CD9: variants seen among roughly 807,000 people sequenced by gnomAD.
CD9 encodes the protein CD9 molecule.
A neutral mutation model predicts 31.4 loss-of-function variants in CD9; 10 were observed. That is an observed-to-expected ratio of 0.32 (90% CI 0.20 to 0.54). CD9 has a LOEUF of 0.54. CD9 is among the 20% of genes least tolerant of loss of function. CD9 has a pLI of 0.94. For synonymous variants in CD9, 113 were observed against 114.1 expected, an observed-to-expected ratio of 0.99 and a Z score of 0.06; for missense variants, 259 against 300.1, an observed-to-expected ratio of 0.86 and a Z score of 1.01.
At chr12:6,237,616 G>T in intron 7 of CD9, 147 bp from the exon 8 acceptor site, 1 of 556,362 alleles carries the variant, frequency 1.8e-6, no homozygotes. Context: ...CATCTCTCCT[G>T]CTTCAGCACC....
chr12:6,224,264 A>G (rs978228787), intron 1 of CD9, among the ~76,000 whole-genome samples: 1 of 152,198 alleles, frequency 6.6e-6, no homozygotes, highest in Non-Finnish European at 1.5e-5. Flanking sequence ...TGCTTTACAG[A>G]TGGGAACACT....
chr12:6,200,491 G>T lies in CD9; in HGVS notation c.-9G>T. ...CACCCGTTCGGCCCAGGCTAAGTTA[G>T]CCCTCACCATGCCGGTCAAAGGAGG... On this transcript the variant is annotated 5_prime_UTR_variant, in exon 1 of 8. Coordinates refer to ENST00000009180, the MANE Select transcript of CD9 (RefSeq NM_001769.4). 1.2e-6 allele frequency: 2 copies of T among 1,607,620 alleles called. No homozygotes were observed. The highest frequency in any genetic ancestry group is 1.1e-5 in the South Asian group (1 of 90,732).
chr12:6,237,886 GTTTGTTTGT>G lies in CD9; in HGVS notation c.*66_*74del. 1 of 1,316,032 alleles carries G rather than the reference GTTTGTTTGT, an allele frequency of 7.6e-7. No individual in the cohort carries two copies. The highest frequency in any genetic ancestry group is 1.1e-6 in the Non-Finnish European group (1 of 915,176). The allele number at this position is 1,316,032 out of a possible 1,614,324, so 81.5% of individuals were successfully genotyped here. On this transcript the variant is annotated 3_prime_UTR_variant, in exon 8 of 8. Coordinates refer to ENST00000009180, the MANE Select transcript of CD9 (RefSeq NM_001769.4). Reference sequence around the variant, plus strand: ...CCCATGAAGATTGGTGGGATTTTTTGTTTGTTTGTTTTGTTTTGTTTGTTGTTTGTTGTT... The same window carrying G: ...CCCATGAAGATTGGTGGGATTTTTTGTTTGTTTTGTTTGTTGTTTGTTGTT...
intron 2 of CD9, 68 bp downstream of exon 2, chr12:6,225,602 C>T: frequency 4.0e-6 from 4 of 1,001,062 alleles, no homozygotes; most frequent in Non-Finnish European, 6.3e-6. Context: ...ACTTTGGAGG[C>T]CCCATGTTGA....
Position 6,232,924 on chromosome 12 carries a change from T to C in CD9, c.273+195T>C, listed in dbSNP as rs1946468245. 1 of 702,876 alleles carries C rather than the reference T, an allele frequency of 1.4e-6. No homozygotes were observed. Among genetic ancestry groups the C allele is most frequent in the Non-Finnish European group, 2.6e-6 (1 of 385,102 alleles). The allele number at this position is 702,876 out of a possible 1,614,324, so 43.5% of individuals were successfully genotyped here. On this transcript the variant is annotated intron_variant, in intron 3 of 7. Transcript: ENST00000009180. This position sits in a 1 kb window ranked among gnomAD's most constrained non-coding sequence, Gnocchi z 4.8. The stretch of plus-strand genomic sequence containing the variant: ...CTCTTCCTTTCTGGAGCCTGTCTTA[T>C]CGCTTCCCCTAGGCAACTAAAAGGA...
intron 1 of CD9, among the ~76,000 whole-genome samples, chr12:6,214,344 C>CTTTTTTTTTTTTTTTTTTTTT (rs71450123): frequency 1.5e-5 from 1 of 67,074 alleles, no homozygotes; most frequent in Admixed American, 2.5e-4. Context: ...CCATTAGCCT[C>CTTTTTTTTTTTTTTTTTTTTT]TTTTTTTTTT....
At chr12:6,234,444 T>C (rs918281329) in intron 4 of CD9, 1 of 152,042 alleles carries the variant, frequency 6.6e-6, no homozygotes, top group East Asian at 1.9e-4. Context: ...ACTCACTACT[T>C]TTAGCCCAGC....
chr12:6,219,350 G>A (rs1483411983), intron 1 of CD9, among the ~76,000 whole-genome samples: 1 of 152,116 alleles, frequency 6.6e-6, no homozygotes. Flanking sequence ...TCTGTATAAG[G>A]ATTTGCCTGT....
chr12:6,204,338 C>G (rs1946107393), intron 1 of CD9, among the ~76,000 whole-genome samples: 1 of 152,128 alleles, frequency 6.6e-6, no homozygotes, highest in South Asian at 2.1e-4. Context: ...GCCCAGACTT[C>G]ACCATGTGTA....
Position 6,235,348 on chromosome 12 carries a change from C to T in CD9, c.447+21C>T, listed in dbSNP as rs1350937143. ...ATGCGGTATGTCGCCTTGGCAAAGA[C>T]ACCCTCCTGCGCTTTCTCCGGATTG... On this transcript the variant is annotated intron_variant, in intron 5 of 7. Coordinates refer to ENST00000009180, the MANE Select transcript of CD9 (RefSeq NM_001769.4). 4.3e-6 allele frequency: 7 copies of T among 1,614,084 alleles called. No homozygotes were observed. In the African/African-American group the frequency reaches 6.7e-5, roughly 15 times the overall value.
At chr12:6,222,601 T>C (rs1460248158) in intron 1 of CD9, among the ~76,000 whole-genome samples, 1 of 152,236 alleles carries the variant, frequency 6.6e-6, no homozygotes, top group Non-Finnish European at 1.5e-5. Flanking sequence ...CTGAGATGCT[T>C]CCTTTTCCCT....
intron 1 of CD9, among the ~76,000 whole-genome samples, chr12:6,215,545 A>G (rs1396259283): frequency 6.6e-6 from 1 of 152,194 alleles, no homozygotes; most frequent in Non-Finnish European, 1.5e-5. Flanking sequence ...CTGGACTGGC[A>G]TAGAGAAGAG....
intron 1 of CD9, among the ~76,000 whole-genome samples, chr12:6,208,548 GTTT>G (rs572201694): frequency 6.6e-6 from 1 of 151,890 alleles, no homozygotes; most frequent in East Asian, 1.9e-4. Flanking sequence ...AAGGATTTTA[GTTT>G]TTTTTGTTTG....
chr12:6,235,712 C>T (rs2136640640), intron 6 of CD9, 147 bp downstream of exon 6: 1 of 1,430,688 alleles, frequency 7.0e-7, no homozygotes. Context: ...CTTTCTCTCC[C>T]ACTTTGGGCC....
intron 7 of CD9, chr12:6,236,488 T>G (rs935582918): frequency 3.4e-6 from 2 of 580,314 alleles, no homozygotes; most frequent in Non-Finnish European, 6.1e-6. Context: ...TATCTGAGGC[T>G]CCCCCTGGGC....
chr12:6,220,126 G>T (rs1273400423), intron 1 of CD9, among the ~76,000 whole-genome samples: 2 of 152,132 alleles, frequency 1.3e-5, no homozygotes, highest in Non-Finnish European at 2.9e-5. Flanking sequence ...ATGCGACACT[G>T]GCCTGCTCAC....
At chr12:6,214,344 CTTTTTTTTTT>C (rs71450123) in intron 1 of CD9, among the ~76,000 whole-genome samples, 8 of 67,074 alleles carry the variant, frequency 1.2e-4, no homozygotes, top group South Asian at 6.8e-4. Flanking sequence ...CCATTAGCCT[CTTTTTTTTTT>C]TTTTTTTTTT....
chr12:6,204,230 C>T (rs2136598295), intron 1 of CD9, among the ~76,000 whole-genome samples: 1 of 152,302 alleles, frequency 6.6e-6, no homozygotes, highest in African/African-American at 2.4e-5. Context: ...AACACCCCTA[C>T]ACATACCACA....
At chr12:6,227,744 T>C (rs1174754018) in intron 2 of CD9, among the ~76,000 whole-genome samples, 3 of 152,018 alleles carry the variant, frequency 2.0e-5, no homozygotes, top group Non-Finnish European at 4.4e-5. Context: ...GGTTGTGGGG[T>C]CTCCCTCTGT....
Sources: allele counts gnomAD v4.1 joint callset (sites outside exome capture counted in the v4.1 genomes callset), GRCh38; gene constraint gnomAD v4.1.1; non-coding constraint Gnocchi (gnomAD v3.1); transcripts MANE v1.5; gene names NCBI Gene and HGNC (gene_info 2026-07-23, HGNC 2026-07-21).